The following RNLS variants were observed in gnomAD, a reference collection of about 807,000 sequenced individuals.
RNLS encodes renalase, FAD dependent amine oxidase.
A neutral mutation model predicts 39.8 loss-of-function variants in RNLS; 39 were observed. That is an observed-to-expected ratio of 0.98 (90% confidence interval 0.76 to 1.28). The LOEUF (loss-of-function observed/expected upper bound fraction) is 1.28, where lower values mean the gene tolerates loss of function less well. RNLS is among the 50% of genes most tolerant of loss of function. RNLS has a pLI of 0.00. For missense variants in RNLS, 410 were observed against 413.3 expected, an observed-to-expected ratio of 0.99 and a Z score of 0.07; for synonymous variants, 147 against 150.7, an observed-to-expected ratio of 0.98 and a Z score of 0.18.
At chr10:88,447,600 C>T (rs759363442) in intron 4 of RNLS, among the ~76,000 whole-genome samples, 6 of 152,108 alleles carry the variant, frequency 3.9e-5, no homozygotes, top group Admixed American at 6.6e-5. Context: ...AATTTATAGA[C>T]TCAATGCCAT....
chr10:88,217,958 T>C, the RNLS span, among the ~76,000 whole-genome samples: 58 of 152,058 alleles, frequency 3.8e-4, no homozygotes, highest in Non-Finnish European at 6.8e-4. Context: ...GAGAATCGCT[T>C]GAACCCAGGA....
chr10:88,328,678 T>G (rs1166407632), intron 5 of RNLS, among the ~76,000 whole-genome samples: 1 of 152,240 alleles, frequency 6.6e-6, no homozygotes, highest in Non-Finnish European at 1.5e-5. Flanking sequence ...AACAAATACC[T>G]TTATCCTTCT....
At chr10:88,273,579 CTG>C (rs1290084292), downstream of RNLS, among the ~76,000 whole-genome samples, 4 of 152,142 alleles carry the variant, frequency 2.6e-5, no homozygotes, top group Admixed American at 6.5e-5. Flanking sequence ...CAGCCATTTC[CTG>C]TTAGTGTTGA....
intron 4 of RNLS, among the ~76,000 whole-genome samples, chr10:88,555,657 T>TA (rs1158623620): frequency 3.3e-5 from 5 of 152,098 alleles, no homozygotes; most frequent in Admixed American, 6.6e-5. Context: ...AGTATTTCTT[T>TA]ACAGCAACGT....
At chr10:88,182,482 T>C in the RNLS span, among the ~76,000 whole-genome samples, 1 of 152,162 alleles carries the variant, frequency 6.6e-6, no homozygotes, top group Non-Finnish European at 1.5e-5. Context: ...TATTCATATC[T>C]GAAATAATGA....
At chr10:88,466,361 C>T (rs1021989271) in intron 4 of RNLS, among the ~76,000 whole-genome samples, 17 of 152,130 alleles carry the variant, frequency 1.1e-4, no homozygotes, top group African/African-American at 3.6e-4. Context: ...GGTGAGAAAA[C>T]AGTTAGAGCT....
chr10:88,259,416 C>T, the RNLS span: 1 of 152,194 alleles, frequency 6.6e-6, no homozygotes, highest in Admixed American at 6.5e-5. Flanking sequence ...TGCTAACACA[C>T]ATTTTCTCAA....
intron 6 of RNLS, among the ~76,000 whole-genome samples, chr10:88,304,490 T>C (rs1359347822): frequency 1.3e-5 from 2 of 151,816 alleles, no homozygotes; most frequent in African/African-American, 4.8e-5. Flanking sequence ...GTATAGAAAA[T>C]AACATAACTG....
intron 4 of RNLS, among the ~76,000 whole-genome samples, chr10:88,391,632 A>T (rs1222790443): frequency 1.3e-5 from 2 of 152,194 alleles, no homozygotes; most frequent in Non-Finnish European, 2.9e-5. Context: ...GTTATTAAAA[A>T]TATTTGTTAT....
At chr10:88,581,827 TC>T in intron 2 of RNLS, 118 bp from the exon 3 acceptor site, 1 of 615,676 alleles carries the variant, frequency 1.6e-6, no homozygotes, top group Non-Finnish European at 2.5e-6. Flanking sequence ...TTAGATATCT[TC>T]CTATGAATAT....
At chr10:88,232,126 G>A in the RNLS span, among the ~76,000 whole-genome samples, 8 of 152,334 alleles carry the variant, frequency 5.3e-5, no homozygotes, top group South Asian at 4.1e-4. Context: ...ATCCAGGCAA[G>A]GCCTGGGACT....
At chr10:88,372,781 C>A (rs1850668129) in intron 4 of RNLS, among the ~76,000 whole-genome samples, 1 of 152,048 alleles carries the variant, frequency 6.6e-6, no homozygotes, top group Non-Finnish European at 1.5e-5. Context: ...CAGTTTTATC[C>A]TTGGGAATCT....
intron 4 of RNLS, among the ~76,000 whole-genome samples, chr10:88,559,686 A>ATTCATTCATTCAT (rs1359330801): frequency 8.6e-5 from 2 of 23,390 alleles, no homozygotes; most frequent in African/African-American, 3.0e-4. Context: ...CATTCATTCA[A>ATTCATTCATTCAT]TGCAGACTGA....
intron 4 of RNLS, among the ~76,000 whole-genome samples, chr10:88,410,361 A>G (rs1853579439): frequency 6.6e-6 from 1 of 152,082 alleles, no homozygotes; most frequent in Non-Finnish European, 1.5e-5. Context: ...TTTTCATTGT[A>G]ACTTCAGAAA....
At chr10:88,230,233 GCAAA>G in the RNLS span, among the ~76,000 whole-genome samples, 188 of 152,212 alleles carry the variant, frequency 1.2e-3, 1 homozygote, top group African/African-American at 4.4e-3. Context: ...ACAAAAACAA[GCAAA>G]CAAACAAACA....
At chr10:88,405,686 C>T (rs1046924073) in intron 4 of RNLS, among the ~76,000 whole-genome samples, 1 of 152,070 alleles carries the variant, frequency 6.6e-6, no homozygotes, top group African/African-American at 2.4e-5. Context: ...GCATTTAGGC[C>T]ATTTACATTC....
intron 4 of RNLS, among the ~76,000 whole-genome samples, chr10:88,551,573 T>C (rs1848603446): frequency 6.6e-6 from 1 of 152,220 alleles, no homozygotes; most frequent in Middle Eastern, 3.2e-3. Context: ...ACTTTGGAGT[T>C]TGTGCTCAAA....
chr10:88,298,826 C>T (rs1844289056), intron 6 of RNLS, among the ~76,000 whole-genome samples: 5 of 151,598 alleles, frequency 3.3e-5, no homozygotes, highest in South Asian at 2.1e-4. Flanking sequence ...CTTGTGGTTC[C>T]GTATAAATTT....
the RNLS span, among the ~76,000 whole-genome samples, chr10:88,211,855 C>T: frequency 2.1e-4 from 32 of 152,156 alleles, no homozygotes; most frequent in Non-Finnish European, 2.9e-5. Flanking sequence ...TAAAACATCA[C>T]TCTTGCTACC....
Sources: gnomAD v4.1 joint callset for allele counts (sites outside exome capture counted in the v4.1 genomes callset) on GRCh38, gnomAD v4.1.1 for gene constraint, MANE v1.5 for transcripts, NCBI Gene and HGNC (gene_info 2026-07-23, HGNC 2026-07-21) for gene names.